Variants in ZFPM2 observed in about 807,000 individuals in gnomAD.
The protein encoded by ZFPM2 is zinc finger protein ZFPM2.
Under a neutral mutation model 98.6 loss-of-function variants are expected in ZFPM2, and 20 were observed. The ratio of observed to expected loss-of-function variants is 0.20; its 90% CI spans 0.14 to 0.29. The LOEUF is 0.29. Among genes scored for constraint, ZFPM2 ranks in the 10% least tolerant of loss-of-function variants. The pLI is 1.00. For synonymous variants in ZFPM2, 518 were observed against 502.7 expected, an observed-to-expected ratio of 1.03 and a Z score of -0.41; for missense variants, 1,310 against 1,388.6, an observed-to-expected ratio of 0.94 and a Z score of 0.90.
intron 5 of ZFPM2, among the ~76,000 whole-genome samples, chr8:105,723,074 C>T (rs1811707887): frequency 6.6e-6 from 1 of 151,882 alleles, no homozygotes; most frequent in Non-Finnish European, 1.5e-5. Context: ...ATCAACTTAT[C>T]ATCTGTTCAT....
At chr8:105,447,776 G>T (rs1812404597) in intron 3 of ZFPM2, among the ~76,000 whole-genome samples, 1 of 151,990 alleles carries the variant, frequency 6.6e-6, no homozygotes. Context: ...AAAAGAGTTT[G>T]ATTGACGACG....
Position 105,509,337 on chromosome 8 carries a change from T to G in ZFPM2, c.302-52026T>G, listed in dbSNP as rs572693802. Among the ~76,000 whole-genome samples, 469 of 152,272 alleles carry G rather than the reference T, an allele frequency of 3.1e-3. 3 individuals carry two copies. Among genetic ancestry groups the G allele is most frequent in the Middle Eastern group, 0.014 (4 of 294 alleles). ...TGCAGTGGAAGGGATCCCTTCCCTCTCCCAGAAAGGGAGACTTTCCACTCA... is the reference window on the plus strand; with the variant it reads ...TGCAGTGGAAGGGATCCCTTCCCTCGCCCAGAAAGGGAGACTTTCCACTCA... On this transcript the variant is annotated intron_variant, in intron 3 of 7. Transcript: ENST00000407775.
chr8:105,533,620 T>C (rs1244432540), intron 3 of ZFPM2, among the ~76,000 whole-genome samples: 1 of 151,840 alleles, frequency 6.6e-6, no homozygotes, highest in East Asian at 1.9e-4. Context: ...CATTTCCAAG[T>C]ATTACTCCTT....
chr8:105,514,284 T>C (rs939359961), intron 3 of ZFPM2, among the ~76,000 whole-genome samples: 10 of 150,072 alleles, frequency 6.7e-5, no homozygotes, highest in Non-Finnish European at 8.8e-5. Flanking sequence ...ATTACAGGCG[T>C]GAGCCACCGT....
rs142230291 is a variant in ZFPM2, at chr8:105,429,445, A to AATATATATATAT, written c.199+10152_199+10163dup. Among the ~76,000 whole-genome samples the AATATATATATAT allele has an allele frequency of 2.4e-4, 33 of 138,394 alleles. 1 individual carries two copies. Among genetic ancestry groups the AATATATATATAT allele is most frequent in the African/African-American group, 9.0e-4 (29 of 32,050 alleles). 90.8% of individuals were successfully genotyped at this position (138,394 alleles called of 152,430 possible). On this transcript the variant is annotated intron_variant, in intron 2 of 7. Transcript: ENST00000407775. ...AAAACGTGCACAAGTTAGACAAGGAAATATATATATATATATATATGGAAA... is the reference window on the plus strand; with the variant it reads ...AAAACGTGCACAAGTTAGACAAGGAAATATATATATATATATATATATATATATATATGGAAA...
At chr8:105,787,448 C>T (rs917779948) in intron 5 of ZFPM2, 3 of 152,082 alleles carry the variant, frequency 2.0e-5, no homozygotes, top group African/African-American at 7.2e-5. Context: ...TGTTTCCTTA[C>T]CTTTAAAACT....
chr8:105,621,381 C>T (rs946769505), intron 4 of ZFPM2, among the ~76,000 whole-genome samples: 3 of 152,080 alleles, frequency 2.0e-5, no homozygotes, highest in African/African-American at 4.8e-5. Flanking sequence ...GATTTTGTAT[C>T]GTGAGACTTT....
At chr8:105,598,072 T>C (rs545765553) in intron 4 of ZFPM2, among the ~76,000 whole-genome samples, 4 of 150,952 alleles carry the variant, frequency 2.6e-5, no homozygotes, top group African/African-American at 9.7e-5. Flanking sequence ...AAACCTTTTT[T>C]TTTTTTTTTT....
chr8:105,638,985 C>T (rs1563753404), intron 5 of ZFPM2, among the ~76,000 whole-genome samples: 1 of 151,984 alleles, frequency 6.6e-6, no homozygotes, highest in Non-Finnish European at 1.5e-5. Flanking sequence ...ATTGATGGAC[C>T]AGACCTGTTG....
At chr8:105,710,727 G>A (rs1811371337) in intron 5 of ZFPM2, among the ~76,000 whole-genome samples, 1 of 151,410 alleles carries the variant, frequency 6.6e-6, no homozygotes, top group Non-Finnish European at 1.5e-5. Context: ...GGGTGTATGT[G>A]TGTGCAGTGG....
rs542730155 is a variant in ZFPM2, at chr8:105,531,406, T to A, written c.302-29957T>A. Among the ~76,000 whole-genome samples the A allele has an allele frequency of 2.2e-4, 33 of 152,268 alleles. No homozygotes were observed. In the South Asian group the frequency reaches 5.0e-3, roughly 23 times the overall value. ...TGGGGTTCCTTGGCCTGTAGATGTG[T>A]CATTCCAATTTTTGCGCTCATTATC... On this transcript the variant is annotated intron_variant, in intron 3 of 7. Coordinates refer to ENST00000407775, the MANE Select transcript of ZFPM2 (RefSeq NM_012082.4).
At chr8:105,454,728 G>C (rs114701824) in intron 3 of ZFPM2, among the ~76,000 whole-genome samples, 1 of 152,036 alleles carries the variant, frequency 6.6e-6, no homozygotes, top group East Asian at 1.9e-4. Flanking sequence ...TCTTCCCTTC[G>C]TCCACTATTT....
chr8:105,757,407 A>T (rs1812628074), intron 5 of ZFPM2, among the ~76,000 whole-genome samples: 1 of 152,192 alleles, frequency 6.6e-6, no homozygotes, highest in Non-Finnish European at 1.5e-5. Flanking sequence ...AACTTATTAG[A>T]AAACATTTTA....
intron 5 of ZFPM2, among the ~76,000 whole-genome samples, chr8:105,744,901 G>T (rs763842420): frequency 2.0e-5 from 3 of 152,126 alleles, no homozygotes; most frequent in Non-Finnish European, 4.4e-5. Flanking sequence ...ACAACTTCAT[G>T]TAGGAATTGT....
intron 3 of ZFPM2, among the ~76,000 whole-genome samples, chr8:105,487,011 C>A (rs1039151540): frequency 2.6e-5 from 4 of 152,184 alleles, no homozygotes; most frequent in Admixed American, 6.5e-5. Flanking sequence ...GAAGTACTCA[C>A]AGTGGCTTGT....
At chr8:105,319,520 C>T (rs1295419476) in intron 1 of ZFPM2, 2 of 152,362 alleles carry the variant, frequency 1.3e-5, no homozygotes, top group East Asian at 3.9e-4. Context: ...CACACCAAAC[C>T]CGAAGCGAAA....
rs1817305864 is a variant in ZFPM2 at position 105,657,375 on chromosome 8, G to A, written c.532+23018G>A. On this transcript the variant is annotated intron_variant, in intron 5 of 7. Transcript: ENST00000407775. ...GCTGATCTTGAACTCCTGACCTCAGGTGATCCATCCGCCTCGGCCTCCCAA... is the reference window on the plus strand; with the variant it reads ...GCTGATCTTGAACTCCTGACCTCAGATGATCCATCCGCCTCGGCCTCCCAA... Among the ~76,000 whole-genome samples the A allele has an allele frequency of 2.0e-5, 3 of 152,126 alleles. No homozygotes were observed. The South Asian group carries it at 6.2e-4, about 32-fold the overall frequency.
chr8:105,487,791 CA>C (rs1813259466), intron 3 of ZFPM2, among the ~76,000 whole-genome samples: 1 of 152,122 alleles, frequency 6.6e-6, no homozygotes, highest in Admixed American at 6.6e-5. Context: ...TCATCTACTA[CA>C]TTTGCCCAGG....
At chr8:105,663,005 G>C (rs1817422381) in intron 5 of ZFPM2, 1 of 152,176 alleles carries the variant, frequency 6.6e-6, no homozygotes, top group African/African-American at 2.4e-5. Context: ...GTGGCATGCA[G>C]ATAACTAATG....
Sources: allele counts gnomAD v4.1 joint callset (sites outside exome capture counted in the v4.1 genomes callset), GRCh38; gene constraint gnomAD v4.1.1; transcripts MANE v1.5; gene names NCBI Gene and HGNC (gene_info 2026-07-23, HGNC 2026-07-21).